Variants in UNC13C observed in about 807,000 individuals in gnomAD.
The protein encoded by UNC13C is protein unc-13 homolog C.
A neutral mutation model predicts 245.4 loss-of-function variants in UNC13C; 174 were observed. That is an observed-to-expected ratio of 0.71 (90% CI 0.63 to 0.80). The LOEUF (loss-of-function observed/expected upper bound fraction) is 0.80, where lower values mean the gene tolerates loss of function less well. Ranked by LOEUF, UNC13C falls within the 30% of genes least tolerant of loss-of-function variation. The probability of loss-of-function intolerance (pLI) is 0.00; values close to 1 mark genes in which losing one functional copy is unlikely to be tolerated. For synonymous variants in UNC13C, 992 were observed against 895.1 expected (o/e 1.11, Z -1.93); for missense variants, 2,829 against 2,602.9 (o/e 1.09, Z -1.89).
intron 10 of UNC13C, among the ~76,000 whole-genome samples, chr15:54,269,136 C>A (rs1190233235): frequency 6.6e-6 from 1 of 151,748 alleles, no homozygotes; most frequent in African/African-American, 2.4e-5. Flanking sequence ...GGTTTCTATT[C>A]CTTGCACAAT....
chr15:54,255,509 A>G (rs927138736), intron 8 of UNC13C, among the ~76,000 whole-genome samples: 4 of 152,064 alleles, frequency 2.6e-5, no homozygotes, highest in African/African-American at 7.2e-5. Flanking sequence ...TGTCCTCTCA[A>G]CATCCAGCCA....
chr15:54,256,273 C>T (rs77835431), intron 8 of UNC13C, among the ~76,000 whole-genome samples: 6 of 152,188 alleles, frequency 3.9e-5, no homozygotes, highest in East Asian at 3.9e-4. Flanking sequence ...TAGGGCATCT[C>T]GGCAAGATCG....
chr15:54,098,940 T>G (rs900207850), intron 2 of UNC13C, among the ~76,000 whole-genome samples: 27 of 152,252 alleles, frequency 1.8e-4, no homozygotes, highest in Non-Finnish European at 2.9e-5. Flanking sequence ...TGACCACAAC[T>G]GCCTCTTTAA....
chr15:54,360,924 A>G (rs1363792466), intron 17 of UNC13C, among the ~76,000 whole-genome samples: 2 of 152,048 alleles, frequency 1.3e-5, no homozygotes, highest in African/African-American at 4.8e-5. Flanking sequence ...TGTGATTATT[A>G]TTTGCCTTGG....
At chr15:54,605,262 G>A (rs1000320503) in intron 30 of UNC13C, among the ~76,000 whole-genome samples, 7 of 152,142 alleles carry the variant, frequency 4.6e-5, no homozygotes, top group African/African-American at 9.7e-5. Context: ...AGTTCTAAGA[G>A]GGGCCACAGT....
chr15:54,089,485 T>G (rs1259031530), intron 2 of UNC13C, among the ~76,000 whole-genome samples: 1 of 152,118 alleles, frequency 6.6e-6, no homozygotes, highest in Non-Finnish European at 1.5e-5. Flanking sequence ...TGTATCCTCT[T>G]CAAGGTTAGA....
intron 4 of UNC13C, among the ~76,000 whole-genome samples, chr15:54,174,977 A>C (rs886131930): frequency 1.3e-5 from 2 of 152,164 alleles, no homozygotes; most frequent in Non-Finnish European, 2.9e-5. Flanking sequence ...TGCTGAGCTC[A>C]AGCCTATTGA....
At chr15:54,094,354 A>G (rs1488128995) in intron 2 of UNC13C, among the ~76,000 whole-genome samples, 2 of 151,892 alleles carry the variant, frequency 1.3e-5, no homozygotes, top group African/African-American at 4.8e-5. Context: ...TGTGCAGCTG[A>G]TCTCTCTCAT....
intron 30 of UNC13C, among the ~76,000 whole-genome samples, chr15:54,576,470 G>A (rs2553218): frequency 5.3e-5 from 8 of 151,962 alleles, no homozygotes; most frequent in Non-Finnish European, 1.0e-4. Context: ...ATAAATCCCC[G>A]CCGCAAACTT....
chr15:53,946,673 GTTT>G, the UNC13C span, among the ~76,000 whole-genome samples: 91 of 99,266 alleles, frequency 9.2e-4, 2 homozygotes, highest in African/African-American at 3.3e-3. Flanking sequence ...GTGAGCTGAG[GTTT>G]TTTTTTTTTT....
chr15:53,964,856 G>C, the UNC13C span, among the ~76,000 whole-genome samples: 1 of 152,244 alleles, frequency 6.6e-6, no homozygotes, highest in Admixed American at 6.5e-5. Context: ...TAGTGTCGCT[G>C]GAGGGAAGAG....
At chr15:54,453,340 C>T (rs1420569695) in intron 19 of UNC13C, among the ~76,000 whole-genome samples, 1 of 152,088 alleles carries the variant, frequency 6.6e-6, no homozygotes, top group Non-Finnish European at 1.5e-5. Flanking sequence ...TTTTACATGT[C>T]TCCTGTCTCT....
intron 10 of UNC13C, among the ~76,000 whole-genome samples, chr15:54,285,768 C>T (rs914361748): frequency 6.6e-6 from 1 of 151,836 alleles, no homozygotes; most frequent in East Asian, 1.9e-4. Flanking sequence ...CAAATTCTAT[C>T]ACCTATATTT....
intron 30 of UNC13C, among the ~76,000 whole-genome samples, chr15:54,607,080 T>A (rs1328393840): frequency 6.6e-6 from 1 of 152,220 alleles, no homozygotes; most frequent in Non-Finnish European, 1.5e-5. Context: ...TAAATTTAGT[T>A]TTTTAAAACT....
chr15:53,873,574 A>T, the UNC13C span, among the ~76,000 whole-genome samples: 1 of 152,136 alleles, frequency 6.6e-6, no homozygotes, highest in Admixed American at 6.5e-5. Context: ...CAGAAGGCAA[A>T]TCATCTAGCA....
intron 13 of UNC13C, among the ~76,000 whole-genome samples, chr15:54,310,454 C>G (rs1207211519): frequency 1.3e-5 from 2 of 151,790 alleles, no homozygotes; most frequent in Admixed American, 6.6e-5. Flanking sequence ...TTCCTAACCC[C>G]TGGCTGCAAT....
chr15:54,370,492 C>T (rs1009340365), intron 17 of UNC13C, among the ~76,000 whole-genome samples: 1 of 152,158 alleles, frequency 6.6e-6, no homozygotes, highest in Non-Finnish European at 1.5e-5. Flanking sequence ...TCTAAAACTT[C>T]CTGACAATGA....
intron 19 of UNC13C, among the ~76,000 whole-genome samples, chr15:54,444,616 C>A (rs985960411): frequency 2.6e-5 from 4 of 151,446 alleles, no homozygotes; most frequent in Admixed American, 1.3e-4. Flanking sequence ...CACTTTTTCT[C>A]TCCTATTATT....
At chr15:54,596,701 C>G (rs996650395) in intron 30 of UNC13C, among the ~76,000 whole-genome samples, 6 of 152,146 alleles carry the variant, frequency 3.9e-5, no homozygotes, top group African/African-American at 1.4e-4. Context: ...GGGCAGATCT[C>G]TCATGAATGG....
Sources: gnomAD v4.1 joint callset for allele counts (sites outside exome capture counted in the v4.1 genomes callset) on GRCh38, gnomAD v4.1.1 for gene constraint, MANE v1.5 for transcripts, NCBI Gene and HGNC (gene_info 2026-07-23, HGNC 2026-07-21) for gene names.